SLC28A1: variants seen among roughly 807,000 people sequenced by gnomAD.
SLC28A1 encodes solute carrier family 28 member 1, also known as sodium/nucleoside cotransporter 1.
Under a neutral mutation model 74.8 loss-of-function variants are expected in SLC28A1, and 64 were observed. The observed-to-expected ratio is 0.86, with a 90% CI of 0.70 to 1.05. The LOEUF is 1.05. Among genes scored for constraint, SLC28A1 ranks in the 50% least tolerant of loss-of-function variants. SLC28A1 has a pLI of 0.00. For synonymous variants in SLC28A1, 359 were observed against 335.0 expected (o/e 1.07, Z -0.78); for missense variants, 828 against 822.8 (o/e 1.01, Z -0.08).
the SLC28A1 span, among the ~76,000 whole-genome samples, chr15:84,968,077 G>T: frequency 6.6e-6 from 1 of 152,116 alleles, no homozygotes; most frequent in South Asian, 2.1e-4. Context: ...CATAGTTTAG[G>T]GGATTTCTGA....
At chr15:84,947,109 T>C (rs893347952), downstream of SLC28A1, among the ~76,000 whole-genome samples, 1 of 152,244 alleles carries the variant, frequency 6.6e-6, no homozygotes, top group African/African-American at 2.4e-5. Context: ...GCCTTGCTCC[T>C]TGTGAGCCCC....
chr15:84,921,317 C>G (rs1445366032), intron 11 of SLC28A1, among the ~76,000 whole-genome samples: 1 of 152,174 alleles, frequency 6.6e-6, no homozygotes, highest in Non-Finnish European at 1.5e-5. Flanking sequence ...CCCAAAGACT[C>G]ACAAATCCTC....
At chr15:84,962,483 G>GC in the SLC28A1 span, among the ~76,000 whole-genome samples, 1 of 152,190 alleles carries the variant, frequency 6.6e-6, no homozygotes, top group Non-Finnish European at 1.5e-5. Context: ...CGTCGCCCAG[G>GC]CTGGAGTATG....
At chr15:84,921,797 T>C (rs1969861146) in intron 11 of SLC28A1, among the ~76,000 whole-genome samples, 1 of 152,252 alleles carries the variant, frequency 6.6e-6, no homozygotes, top group Admixed American at 6.5e-5. Flanking sequence ...TTTTAGCCGA[T>C]GAAGATAGAC....
At chr15:84,904,460 A>C (rs1256003246) in intron 7 of SLC28A1, among the ~76,000 whole-genome samples, 3 of 152,148 alleles carry the variant, frequency 2.0e-5, no homozygotes, top group African/African-American at 7.2e-5. Flanking sequence ...GGCCACCAGG[A>C]CATTTGTTTC....
the SLC28A1 span, among the ~76,000 whole-genome samples, chr15:84,957,131 T>C: frequency 6.6e-6 from 1 of 152,208 alleles, no homozygotes; most frequent in African/African-American, 2.4e-5. Flanking sequence ...AATTACCCTA[T>C]AGTGTAAAAT....
Position 84,945,455 on chromosome 15 carries a change from AC to A in SLC28A1, c.*256del, listed in dbSNP as rs1800754363. On this transcript the variant is annotated 3_prime_UTR_variant, in exon 19 of 19. Coordinates refer to ENST00000394573, the MANE Select transcript of SLC28A1 (RefSeq NM_004213.5). ...TCCCCCAGTGTGAATTCTCAGGGTC[AC>A]TTCTGCCTCCTCCCGTTTCCCCTCC... The A allele has an allele frequency of 2.0e-6, 1 of 501,500 alleles. No homozygotes were observed. The highest frequency in any genetic ancestry group is 2.1e-5 in the African/African-American group (1 of 48,328). 31.1% of individuals were successfully genotyped at this position (501,500 alleles called of 1,614,324 possible). A position where few individuals can be genotyped will look rare whatever the true frequency, so the allele number is the denominator to read the frequency against.
intron 3 of SLC28A1, among the ~76,000 whole-genome samples, chr15:84,888,285 G>T (rs895037722): frequency 1.3e-5 from 2 of 152,062 alleles, no homozygotes; most frequent in Non-Finnish European, 2.9e-5. Context: ...CCCAGAACTC[G>T]GAGCCTGGTA....
rs186967310 is a variant in SLC28A1 at position 84,886,857 on chromosome 15, G to C, written c.-17+70G>C. On this transcript the variant is annotated intron_variant, in intron 2 of 18. Coordinates refer to ENST00000394573, the MANE Select transcript of SLC28A1 (RefSeq NM_004213.5). ...CTGTGTGTGAGCCAGGGCATTCCCA[G>C]GCTCTGCCTGTGTGTGTGCACGCAC... The C allele has an allele frequency of 9.7e-6, 8 of 823,848 alleles. No individual in the cohort carries two copies. The Admixed American group carries it at 5.0e-4, about 51-fold the overall frequency. The allele number at this position is 823,848 out of a possible 1,614,324, so 51.0% of individuals were successfully genotyped here. A position where few individuals can be genotyped will look rare whatever the true frequency, so the allele number is the denominator to read the frequency against.
At position 84,905,527 on chromosome 15, in the gene SLC28A1, G is replaced by T. The variant is rs376894891; in HGVS notation, c.604-12G>T. 3.2e-6 allele frequency: 5 copies of T among 1,580,644 alleles called. No individual in the cohort carries two copies. The highest frequency in any genetic ancestry group is 4.3e-6 in the Non-Finnish European group (5 of 1,149,778). On this transcript the variant is annotated splice_polypyrimidine_tract_variant and intron_variant, in intron 7 of 18. Coordinates refer to ENST00000394573, the MANE Select transcript of SLC28A1 (RefSeq NM_004213.5). ...GGAACTGAACTCAGCTTTCTGTTGG[G>T]TGGGGTGGTAGGTGTCCTGGAGGGC...
intron 11 of SLC28A1, among the ~76,000 whole-genome samples, chr15:84,923,413 C>G (rs1041249231): frequency 6.6e-6 from 1 of 152,026 alleles, no homozygotes. Context: ...TTTATCCTGT[C>G]GACGCCATGT....
chr15:84,974,733 G>T, the SLC28A1 span, among the ~76,000 whole-genome samples: 1 of 152,202 alleles, frequency 6.6e-6, no homozygotes, highest in African/African-American at 2.4e-5. Context: ...ATAAGACACA[G>T]GGCACAAATG....
At chr15:84,909,852 G>A (rs1967871766) in intron 9 of SLC28A1, among the ~76,000 whole-genome samples, 2 of 152,266 alleles carry the variant, frequency 1.3e-5, no homozygotes, top group Admixed American at 1.3e-4. Context: ...AAGACCCCAT[G>A]TGCAGGTTCC....
chr15:84,953,555 C>A, the SLC28A1 span, among the ~76,000 whole-genome samples: 2 of 152,070 alleles, frequency 1.3e-5, no homozygotes, highest in African/African-American at 4.8e-5. Context: ...GATAGCGAGA[C>A]CTTGTCTCCA....
intron 6 of SLC28A1, among the ~76,000 whole-genome samples, chr15:84,897,213 A>G (rs957908381): frequency 2.0e-5 from 2 of 101,658 alleles, no homozygotes; most frequent in African/African-American, 5.6e-5. Flanking sequence ...TGTCTCTACT[A>G]AAAATAGCAA....
intron 10 of SLC28A1, 61 bp downstream of exon 10, chr15:84,918,665 C>T: frequency 1.5e-6 from 2 of 1,319,442 alleles, no homozygotes; most frequent in Non-Finnish European, 1.1e-6. Context: ...AGGGTTCACA[C>T]TGTCCCAGAA....
intron 8 of SLC28A1, among the ~76,000 whole-genome samples, chr15:84,907,574 T>C (rs1421567659): frequency 1.3e-5 from 2 of 152,146 alleles, no homozygotes; most frequent in African/African-American, 4.8e-5. Context: ...GGCGTGATCT[T>C]AGCTCATTGC....
intron 5 of SLC28A1, 87 bp from the exon 6 acceptor site, chr15:84,894,853 G>C: frequency 7.7e-7 from 1 of 1,301,394 alleles, no homozygotes; most frequent in Non-Finnish European, 1.1e-6. Context: ...GCTCTGGGTG[G>C]AGTAAGGTGG....
At chr15:84,945,076 C>A (rs745603186) in intron 18 of SLC28A1, 49 bp from the exon 19 acceptor site, 6 of 1,541,232 alleles carry the variant, frequency 3.9e-6, no homozygotes, top group African/African-American at 1.4e-5. Flanking sequence ...GGTGGTGGCC[C>A]GCAGAACCAG....
Sources: allele counts gnomAD v4.1 joint callset (sites outside exome capture counted in the v4.1 genomes callset), GRCh38; gene constraint gnomAD v4.1.1; transcripts MANE v1.5; gene names NCBI Gene and HGNC (gene_info 2026-07-23, HGNC 2026-07-21).